NKAIN2: variants seen among roughly 807,000 people sequenced by gnomAD.
NKAIN2 encodes sodium/potassium-transporting ATPase subunit beta-1-interacting protein 2.
NKAIN2 carries 14 observed loss-of-function variants against 32.6 expected under a neutral mutation model. That is an observed-to-expected ratio of 0.43 (90% confidence interval 0.28 to 0.67). The LOEUF (loss-of-function observed/expected upper bound fraction) is 0.67, where lower values mean the gene tolerates loss of function less well. Ranked by LOEUF, NKAIN2 falls within the 30% of genes least tolerant of loss-of-function variation. The pLI is 0.17. For synonymous variants in NKAIN2, 80 were observed against 87.2 expected, an observed-to-expected ratio of 0.92 and a Z score of 0.46; for missense variants, 198 against 258.3, an observed-to-expected ratio of 0.77 and a Z score of 1.60.
intron 1 of NKAIN2, among the ~76,000 whole-genome samples, chr6:124,112,547 C>A (rs2114972849): frequency 6.6e-6 from 1 of 152,114 alleles, no homozygotes; most frequent in East Asian, 1.9e-4. Context: ...GTGTGTATTT[C>A]TTTGAATTTG....
chr6:124,017,763 A>C (rs554304391), intron 1 of NKAIN2, among the ~76,000 whole-genome samples: 3 of 152,114 alleles, frequency 2.0e-5, no homozygotes, highest in Non-Finnish European at 4.4e-5. Context: ...GTGGCTTTAC[A>C]TAGTACAGCA....
At chr6:124,561,073 A>G (rs1444350710) in intron 3 of NKAIN2, among the ~76,000 whole-genome samples, 3 of 123,262 alleles carry the variant, frequency 2.4e-5, no homozygotes, top group Admixed American at 8.3e-5. Flanking sequence ...ATCAGCCCTG[A>G]TGTGAGTCAC....
At chr6:124,091,578 G>T (rs1215616159) in intron 1 of NKAIN2, among the ~76,000 whole-genome samples, 1 of 151,888 alleles carries the variant, frequency 6.6e-6, no homozygotes, top group Non-Finnish European at 1.5e-5. Context: ...TGAATGTGTG[G>T]AATAAAATAT....
At chr6:124,255,043 C>T (rs1016246838) in intron 1 of NKAIN2, among the ~76,000 whole-genome samples, 2 of 152,280 alleles carry the variant, frequency 1.3e-5, no homozygotes, top group South Asian at 2.1e-4. Context: ...CTAGTAGAGT[C>T]CGGCTGTCTA....
intron 1 of NKAIN2, among the ~76,000 whole-genome samples, chr6:124,171,831 C>T (rs1370418737): frequency 3.3e-5 from 5 of 150,332 alleles, no homozygotes; most frequent in African/African-American, 1.2e-4. Context: ...GGATTACAGG[C>T]GTGAGCCACC....
chr6:124,208,872 A>G, intron 1 of NKAIN2, among the ~76,000 whole-genome samples: 1 of 151,680 alleles, frequency 6.6e-6, no homozygotes, highest in Non-Finnish European at 1.5e-5. Context: ...TGGGGTATAT[A>G]TGATATTTTG....
chr6:124,276,581 A>G (rs1327215123), intron 1 of NKAIN2, among the ~76,000 whole-genome samples: 1 of 152,148 alleles, frequency 6.6e-6, no homozygotes, highest in African/African-American at 2.4e-5. Context: ...AAAAGCCAGC[A>G]CATATGTTCT....
intron 5 of NKAIN2, among the ~76,000 whole-genome samples, chr6:124,810,833 C>T (rs1026456550): frequency 6.6e-6 from 1 of 151,038 alleles, no homozygotes; most frequent in African/African-American, 2.4e-5. Context: ...TCAAAGCCTT[C>T]TGTTGTATAA....
intron 1 of NKAIN2, among the ~76,000 whole-genome samples, chr6:123,842,556 C>T (rs1774916245): frequency 6.6e-6 from 1 of 152,088 alleles, no homozygotes; most frequent in Non-Finnish European, 1.5e-5. Context: ...CCATTTAGTC[C>T]ATAACAGTAT....
chr6:124,803,871 CT>C (rs1481427003), intron 5 of NKAIN2, among the ~76,000 whole-genome samples: 1 of 152,050 alleles, frequency 6.6e-6, no homozygotes, highest in African/African-American at 2.4e-5. Flanking sequence ...TGTATAAATC[CT>C]TTTTGAAAAG....
chr6:123,824,878 T>G (rs997061775), intron 1 of NKAIN2, among the ~76,000 whole-genome samples: 1 of 152,102 alleles, frequency 6.6e-6, no homozygotes, highest in African/African-American at 2.4e-5. Context: ...AAGGTTGGGT[T>G]CAATGTGCTC....
At chr6:124,157,102 CAAAAAAAAAA>C (rs386408503) in intron 1 of NKAIN2, among the ~76,000 whole-genome samples, 3 of 48,978 alleles carry the variant, frequency 6.1e-5, no homozygotes, top group Admixed American at 3.7e-4. Context: ...GACTCTGTCT[CAAAAAAAAAA>C]AAAAAAAAAA....
chr6:124,161,530 CTATT>C (rs745709572), intron 1 of NKAIN2, among the ~76,000 whole-genome samples: 2 of 152,074 alleles, frequency 1.3e-5, no homozygotes, highest in African/African-American at 2.4e-5. Context: ...TACATTAACA[CTATT>C]TAGTAACAAT....
At chr6:124,082,639 A>T (rs671016) in intron 1 of NKAIN2, among the ~76,000 whole-genome samples, 19,217 of 150,748 alleles carry the variant, frequency 0.13, 1,577 homozygotes, top group Middle Eastern at 0.21. Context: ...GGCCAATATA[A>T]AAAAAAAAGA....
At chr6:124,686,621 A>T (rs182323735) in intron 4 of NKAIN2, among the ~76,000 whole-genome samples, 2 of 152,288 alleles carry the variant, frequency 1.3e-5, no homozygotes, top group Non-Finnish European at 2.9e-5. Flanking sequence ...ACAATTTTAC[A>T]TGATATTTGG....
intron 1 of NKAIN2, among the ~76,000 whole-genome samples, chr6:124,124,185 C>CA (rs1786034942): frequency 6.6e-6 from 1 of 152,120 alleles, no homozygotes; most frequent in Non-Finnish European, 1.5e-5. Flanking sequence ...TGAAACATTA[C>CA]ACTGGAAAAG....
At chr6:124,191,480 T>G (rs1418788965) in intron 1 of NKAIN2, among the ~76,000 whole-genome samples, 1 of 152,192 alleles carries the variant, frequency 6.6e-6, no homozygotes, top group Non-Finnish European at 1.5e-5. Context: ...CCTTATAATT[T>G]TATTTATTAA....
At chr6:124,568,694 G>A (rs375280245) in intron 3 of NKAIN2, among the ~76,000 whole-genome samples, 6 of 151,770 alleles carry the variant, frequency 4.0e-5, no homozygotes, top group African/African-American at 1.5e-4. Flanking sequence ...ACAAATGTAG[G>A]GTGGTCATCT....
intron 3 of NKAIN2, among the ~76,000 whole-genome samples, chr6:124,472,007 A>G (rs1371440850): frequency 1.2e-5 from 1 of 83,206 alleles, no homozygotes; most frequent in Admixed American, 1.3e-4. Context: ...TGGAATGATC[A>G]GTAGACAACA....
Sources: allele counts gnomAD v4.1 joint callset (sites outside exome capture counted in the v4.1 genomes callset), GRCh38; gene constraint gnomAD v4.1.1; transcripts MANE v1.5; gene names NCBI Gene and HGNC (gene_info 2026-07-23, HGNC 2026-07-21).